The following SLC7A2 variants were observed in gnomAD, a reference collection of about 807,000 sequenced individuals.
The protein encoded by SLC7A2 is solute carrier family 7 member 2.
Under a neutral mutation model 58.9 loss-of-function variants are expected in SLC7A2, and 48 were observed. The ratio of observed to expected loss-of-function variants is 0.82; its 90% CI spans 0.65 to 1.04. The LOEUF (loss-of-function observed/expected upper bound fraction) is 1.04. Ranked by LOEUF, SLC7A2 falls within the 50% of genes least tolerant of loss-of-function variation. The pLI, the probability that SLC7A2 is intolerant of heterozygous loss-of-function variation, is 0.00. For synonymous variants in SLC7A2, 363 were observed against 314.5 expected, an observed-to-expected ratio of 1.15 and a Z score of -1.63; for missense variants, 1,029 against 818.8, an observed-to-expected ratio of 1.26 and a Z score of -3.13.
At chr8:17,510,418 A>G (rs1800556510) in intron 2 of SLC7A2, among the ~76,000 whole-genome samples, 1 of 152,186 alleles carries the variant, frequency 6.6e-6, no homozygotes, top group South Asian at 2.1e-4. Context: ...ACTGTCGTCC[A>G]CAATGGCTGA....
At chr8:17,538,835 A>G in intron 2 of SLC7A2, 1 of 1,613,808 alleles carries the variant, frequency 6.2e-7, no homozygotes, top group Non-Finnish European at 8.5e-7. Flanking sequence ...ATGAAGATAG[A>G]AACAAGTGGT....
intron 2 of SLC7A2, among the ~76,000 whole-genome samples, chr8:17,533,503 CAATT>C (rs935595899): frequency 6.6e-6 from 1 of 152,046 alleles, no homozygotes; most frequent in Non-Finnish European, 1.5e-5. Flanking sequence ...TGAATTCTAA[CAATT>C]AATTAAATTA....
rs762102175 is a variant in SLC7A2, at chr8:17,548,860, T to C, written c.698+17T>C. On this transcript the variant is annotated intron_variant, in intron 5 of 12. Transcript: ENST00000494857. ...AAGTGCCAGGTAAAATATTTGAGGT[T>C]TTTTTTTTTCTCCTTCTTGTTTAAG... 7.7e-7 allele frequency: 1 copy of C among 1,299,070 alleles called. No individual in the cohort carries two copies. 80.5% of individuals were successfully genotyped at this position (1,299,070 alleles called of 1,614,324 possible).
chr8:17,556,358 A>G (rs907278901), intron 8 of SLC7A2, among the ~76,000 whole-genome samples: 1 of 152,206 alleles, frequency 6.6e-6, no homozygotes, highest in Non-Finnish European at 1.5e-5. Flanking sequence ...TTCAGGAAGA[A>G]TTTAATTTGG....
chr8:17,562,177 AGTAT>A, intron 11 of SLC7A2, 67 bp downstream of exon 11: 9 of 601,558 alleles, frequency 1.5e-5, no homozygotes, highest in African/African-American at 5.5e-5. Context: ...TAGTTTGGTA[AGTAT>A]TTTTTTTTTT....
intron 2 of SLC7A2, among the ~76,000 whole-genome samples, chr8:17,521,143 A>G (rs777734872): frequency 1.3e-5 from 2 of 152,150 alleles, no homozygotes; most frequent in Non-Finnish European, 2.9e-5. Flanking sequence ...TCCTTGAGCC[A>G]TTTTAGGATA....
chr8:17,543,751 G>A (rs762277036), intron 3 of SLC7A2, 36 bp downstream of exon 3: 2 of 1,506,248 alleles, frequency 1.3e-6, no homozygotes, highest in Non-Finnish European at 1.8e-6. Flanking sequence ...TGTGTGGAAT[G>A]GAAGAAATCG....
At chr8:17,547,823 T>TGTG (rs1802249800) in intron 4 of SLC7A2, among the ~76,000 whole-genome samples, 1 of 149,028 alleles carries the variant, frequency 6.7e-6, no homozygotes, top group Non-Finnish European at 1.5e-5. Flanking sequence ...TGTGTGTGTG[T>TGTG]TTACAAAATT....
In SLC7A2 at chr8:17,566,182, C is replaced by A. The variant is rs191169449; in HGVS notation, c.*1036C>A. 6.6e-6 allele frequency: 1 copy of A among 152,334 alleles called. No homozygotes were observed. The highest frequency in any genetic ancestry group is 1.9e-4 in the East Asian group (1 of 5,188). 9.4% of individuals were successfully genotyped at this position (152,334 alleles called of 1,614,324 possible). A position where few individuals can be genotyped will look rare whatever the true frequency, so the allele number is the denominator to read the frequency against. The stretch of plus-strand genomic sequence containing the variant: ...TGATTCCTCCTTTTTCCATTACTTA[C>A]TTAATCACAGTTTAGTTTTTTTCTT... On this transcript the variant is annotated 3_prime_UTR_variant, in exon 13 of 13. Coordinates refer to ENST00000494857, the MANE Select transcript of SLC7A2 (RefSeq NM_001370338.1).
chr8:17,564,722 GCTGTAAATACA>G (rs1438779994), intron 12 of SLC7A2, among the ~76,000 whole-genome samples: 2 of 152,128 alleles, frequency 1.3e-5, no homozygotes, highest in South Asian at 2.1e-4. Flanking sequence ...ATGGGGAGTG[GCTGTAAATACA>G]CTGTAAATAC....
upstream of SLC7A2, among the ~76,000 whole-genome samples, chr8:17,496,772 A>AT (rs1799967814): frequency 6.6e-6 from 1 of 152,196 alleles, no homozygotes; most frequent in African/African-American, 2.4e-5. Flanking sequence ...TGCTTAGAAG[A>AT]TTCGGAAATG....
chr8:17,561,883 C>A, intron 10 of SLC7A2, 61 bp from the exon 11 acceptor site: 1 of 1,530,958 alleles, frequency 6.5e-7, no homozygotes, highest in Non-Finnish European at 9.0e-7. Flanking sequence ...TGCTGTTTTG[C>A]ACCAAGCAAT....
chr8:17,516,591 G>A (rs2066436081), intron 2 of SLC7A2, among the ~76,000 whole-genome samples: 1 of 152,210 alleles, frequency 6.6e-6, no homozygotes, highest in Non-Finnish European at 1.5e-5. Context: ...CACATGGGTG[G>A]TAACTCGTAG....
rs1419259518 is a variant in SLC7A2, at chr8:17,569,736, GTAACACTGT to G, written c.*4592_*4600del. ...ATTTTGTTATTGCTCAACCCAACTG[GTAACACTGT>G]TTGCTGGGAGCATTATACTTAACTT... On this transcript the variant is annotated 3_prime_UTR_variant, in exon 13 of 13. Coordinates refer to ENST00000494857, the MANE Select transcript of SLC7A2 (RefSeq NM_001370338.1). 1 of 152,132 alleles carries G rather than the reference GTAACACTGT, an allele frequency of 6.6e-6. No homozygotes were observed. The highest frequency in any genetic ancestry group is 1.5e-5 in the Non-Finnish European group (1 of 68,032). 9.4% of individuals were successfully genotyped at this position (152,132 alleles called of 1,614,324 possible).
At chr8:17,562,231 CTCTT>C (rs1311060259) in intron 11 of SLC7A2, 121 bp downstream of exon 11, 6 of 798,226 alleles carry the variant, frequency 7.5e-6, no homozygotes, top group Non-Finnish European at 1.1e-5. Flanking sequence ...TGGAATCTCT[CTCTT>C]TGTCACTCAG....
intron 2 of SLC7A2, among the ~76,000 whole-genome samples, chr8:17,502,746 C>A (rs1277955093): frequency 1.3e-5 from 2 of 151,926 alleles, no homozygotes; most frequent in African/African-American, 4.8e-5. Context: ...TCCATTTTTC[C>A]TAGGGGAATC....
chr8:17,521,719 G>A (rs1389267505), intron 2 of SLC7A2, among the ~76,000 whole-genome samples: 1 of 152,210 alleles, frequency 6.6e-6, no homozygotes, highest in Non-Finnish European at 1.5e-5. Flanking sequence ...GGCCAAGGAG[G>A]AAATCTCAAG....
intron 2 of SLC7A2, among the ~76,000 whole-genome samples, chr8:17,516,690 T>C (rs1800816571): frequency 6.6e-6 from 1 of 152,212 alleles, no homozygotes; most frequent in African/African-American, 2.4e-5. Context: ...GTTTCTTTCA[T>C]TGCTCTTTAA....
intron 2 of SLC7A2, among the ~76,000 whole-genome samples, chr8:17,517,289 T>G (rs1800840506): frequency 6.6e-6 from 1 of 152,156 alleles, no homozygotes; most frequent in Admixed American, 6.5e-5. Context: ...CCAGGCAAAA[T>G]GAAACCACAA....
Sources: gnomAD v4.1 joint callset for allele counts (sites outside exome capture counted in the v4.1 genomes callset) on GRCh38, gnomAD v4.1.1 for gene constraint, MANE v1.5 for transcripts, NCBI Gene and HGNC (gene_info 2026-07-23, HGNC 2026-07-21) for gene names.